The following FAM227B variants were observed in gnomAD, a reference collection of about 807,000 sequenced individuals.
FAM227B encodes family with sequence similarity 227 member B.
In FAM227B, 88 loss-of-function variants were observed where a neutral mutation model predicts 73.8. The ratio of observed to expected loss-of-function variants is 1.19; its 90% confidence interval spans 1.00 to 1.42. FAM227B has a LOEUF of 1.42. Ranked by LOEUF, FAM227B falls within the 40% of genes most tolerant of loss-of-function variation. The probability of loss-of-function intolerance (pLI) is 0.00; values close to 1 mark genes in which losing one functional copy is unlikely to be tolerated. For synonymous variants in FAM227B, 210 were observed against 190.5 expected (o/e 1.10, Z -0.84); for missense variants, 632 against 590.9 (o/e 1.07, Z -0.72).
At position 49,365,434 on chromosome 15, in the gene FAM227B, G is replaced by A. The variant is rs142049446; in HGVS notation, c.1271+2014C>T. The A allele has an allele frequency of 1.8e-3, 1,737 of 944,638 alleles. 34 individuals are homozygous for A. In the South Asian group the frequency reaches 0.02, roughly 11 times the overall value. The allele number at this position is 944,638 out of a possible 1,614,324, so 58.5% of individuals were successfully genotyped here. On this transcript the variant is annotated intron_variant, in intron 13 of 15. Transcript: ENST00000299338. ...CTCTTCTACAGTACGCAAGCAACAG[G>A]CCTGTACAATAATGTCTCCAAAGCC...
chr15:49,375,541 A>G (rs1307581954), intron 11 of FAM227B, among the ~76,000 whole-genome samples: 1 of 152,138 alleles, frequency 6.6e-6, no homozygotes, highest in African/African-American at 2.4e-5. Flanking sequence ...AAGTATCTGA[A>G]TAAGAAACTG....
In FAM227B at chr15:49,335,589, C is replaced by A. The variant is rs1167831510; in HGVS notation, c.1272-93G>T. 12 of 828,106 alleles carry A rather than the reference C, an allele frequency of 1.4e-5. No individual in the cohort carries two copies. The East Asian group carries it at 2.7e-4, about 19-fold the overall frequency. 51.3% of individuals were successfully genotyped at this position (828,106 alleles called of 1,614,324 possible). On this transcript the variant is annotated intron_variant, in intron 13 of 15. Transcript: ENST00000299338. Reference sequence around the variant, plus strand: ...CAGAGGAACCAAGGGGACCGTGTGACCTTCACTTTTCAGTAATGAAGAGTC... The same window carrying A: ...CAGAGGAACCAAGGGGACCGTGTGAACTTCACTTTTCAGTAATGAAGAGTC...
intron 13 of FAM227B, among the ~76,000 whole-genome samples, chr15:49,338,043 T>G (rs1302146581): frequency 6.6e-6 from 1 of 152,198 alleles, no homozygotes; most frequent in African/African-American, 2.4e-5. Context: ...CTGGGTCAAA[T>G]GGTATTTCTC....
At chr15:49,443,173 A>G (rs2051833958) in intron 11 of FAM227B, among the ~76,000 whole-genome samples, 1 of 151,726 alleles carries the variant, frequency 6.6e-6, no homozygotes, top group African/African-American at 2.4e-5. Context: ...TTGTTAACTT[A>G]TTAAATACAG....
intron 11 of FAM227B, among the ~76,000 whole-genome samples, chr15:49,423,858 C>A (rs1324401531): frequency 4.6e-5 from 7 of 152,220 alleles, no homozygotes; most frequent in Admixed American, 4.6e-4. Flanking sequence ...TATAAATCTA[C>A]ACATAAAGTG....
chr15:49,329,143 T>C (rs185562132), intron 15 of FAM227B: 4 of 989,010 alleles, frequency 4.0e-6, no homozygotes, highest in Admixed American at 5.9e-5. Context: ...ATGCACCCCA[T>C]TGTAAAGCAG....
intron 10 of FAM227B, among the ~76,000 whole-genome samples, chr15:49,536,054 C>A (rs1184221008): frequency 2.5e-5 from 3 of 119,842 alleles, no homozygotes; most frequent in Non-Finnish European, 5.0e-5. Flanking sequence ...GCTGGAAGTA[C>A]TAGCAAGGGC....
intron 11 of FAM227B, among the ~76,000 whole-genome samples, chr15:49,432,582 A>AGGAT (rs2092728626): frequency 6.6e-6 from 1 of 151,696 alleles, no homozygotes; most frequent in Non-Finnish European, 1.5e-5. Flanking sequence ...CTATTGTCTA[A>AGGAT]GGATCTATCT....
intron 13 of FAM227B, among the ~76,000 whole-genome samples, chr15:49,358,708 G>T (rs2151380028): frequency 6.6e-6 from 1 of 151,356 alleles, no homozygotes; most frequent in African/African-American, 2.4e-5. Flanking sequence ...AGCTACCAAT[G>T]ACTTTCTTCA....
At chr15:49,512,408 G>A (rs1037439488) in intron 10 of FAM227B, among the ~76,000 whole-genome samples, 1 of 151,166 alleles carries the variant, frequency 6.6e-6, no homozygotes, top group African/African-American at 2.4e-5. Context: ...TTTTTTGCTC[G>A]CTTCTTCTAT....
intron 3 of FAM227B, among the ~76,000 whole-genome samples, chr15:49,600,386 G>T (rs1567677774): frequency 6.7e-6 from 1 of 150,032 alleles, no homozygotes; most frequent in Non-Finnish European, 1.5e-5. Context: ...AGGCATGGTG[G>T]CTCATGCCTG....
At chr15:49,472,782 A>G (rs1319446145) in intron 11 of FAM227B, among the ~76,000 whole-genome samples, 2 of 152,228 alleles carry the variant, frequency 1.3e-5, no homozygotes, top group Non-Finnish European at 2.9e-5. Context: ...TGTAACTTCA[A>G]ATGGGTAGAA....
chr15:49,553,472 G>A (rs560925428), intron 9 of FAM227B, among the ~76,000 whole-genome samples: 40 of 152,316 alleles, frequency 2.6e-4, no homozygotes, highest in African/African-American at 9.6e-4. Flanking sequence ...TCTACAATCA[G>A]CAAGTGGCAA....
At chr15:49,435,312 G>A (rs1480646570) in intron 11 of FAM227B, among the ~76,000 whole-genome samples, 1 of 151,424 alleles carries the variant, frequency 6.6e-6, no homozygotes, top group African/African-American at 2.4e-5. Flanking sequence ...TGAGTCATAT[G>A]TTTGGCATGT....
rs929203047 is a variant in FAM227B at position 49,426,009 on chromosome 15, A to C, written c.1013-54610T>G. ...AGATTTATCATGGATAATATCATGG[A>C]TATAATAACAATATTATATATTATC... On this transcript the variant is annotated intron_variant, in intron 11 of 15. Coordinates refer to ENST00000299338, the MANE Select transcript of FAM227B (RefSeq NM_152647.3). 9.2e-5 allele frequency among the ~76,000 whole-genome samples: 14 copies of C among 151,574 alleles called. No individual in the cohort carries two copies. In the Admixed American group the frequency reaches 9.2e-4, roughly 10 times the overall value.
chr15:49,537,672 TTACTGA>T (rs2070469515), intron 10 of FAM227B, among the ~76,000 whole-genome samples: 1 of 152,122 alleles, frequency 6.6e-6, no homozygotes, highest in Non-Finnish European at 1.5e-5. Flanking sequence ...GCCTAAGTGC[TTACTGA>T]TTGATGAATG....
intron 11 of FAM227B, among the ~76,000 whole-genome samples, chr15:49,474,368 T>C (rs1261449273): frequency 6.6e-6 from 1 of 152,222 alleles, no homozygotes; most frequent in Non-Finnish European, 1.5e-5. Flanking sequence ...TATTGATTTA[T>C]TCTGCATAGC....
intron 11 of FAM227B, among the ~76,000 whole-genome samples, chr15:49,489,748 A>C (rs973730269): frequency 7.2e-6 from 1 of 138,348 alleles, no homozygotes; most frequent in Non-Finnish European, 1.6e-5. Context: ...CCCCTGTTCT[A>C]TATATATCTA....
intron 5 of FAM227B, among the ~76,000 whole-genome samples, chr15:49,580,913 A>G (rs2152386240): frequency 6.6e-6 from 1 of 152,348 alleles, no homozygotes; most frequent in East Asian, 1.9e-4. Flanking sequence ...CTTCTCAGAA[A>G]TAACTCAGTC....
Sources: gnomAD v4.1 joint callset for allele counts (sites outside exome capture counted in the v4.1 genomes callset) on GRCh38, gnomAD v4.1.1 for gene constraint, MANE v1.5 for transcripts, NCBI Gene and HGNC (gene_info 2026-07-23, HGNC 2026-07-21) for gene names.